DMD: variants seen among roughly 807,000 people sequenced by gnomAD.
DMD encodes dystrophin, also known as mutant dystrophin.
DMD carries 63 observed loss-of-function variants against 330.1 expected under a neutral mutation model. That is an observed-to-expected ratio of 0.19 (90% confidence interval 0.16 to 0.24). The LOEUF (loss-of-function observed/expected upper bound fraction) is 0.24, where lower values mean the gene tolerates loss of function less well. Among genes scored for constraint, DMD ranks in the 10% least tolerant of loss-of-function variants. The probability of loss-of-function intolerance (pLI) is 1.00; values close to 1 mark genes in which losing one functional copy is unlikely to be tolerated. For synonymous variants in DMD, 1,223 were observed against 959.8 expected, an observed-to-expected ratio of 1.27 and a Z score of -5.07; for missense variants, 3,344 against 2,684.1, an observed-to-expected ratio of 1.25 and a Z score of -5.43.
chrX:31,307,939 G>A (rs1415420223), intron 62 of DMD, among the ~76,000 whole-genome samples: 12 of 111,290 alleles, frequency 1.1e-4, no homozygotes, highest in East Asian at 2.8e-4. Flanking sequence ...AGGCAGGGGC[G>A]GGGGTATGGT....
chrX:31,676,320 G>C (rs1005000823), intron 53 of DMD, among the ~76,000 whole-genome samples: 4 of 112,255 alleles, frequency 3.6e-5, no homozygotes, highest in Admixed American at 9.4e-5. Flanking sequence ...TAGTAGTGAT[G>C]ACACATTCGA....
intron 1 of DMD, among the ~76,000 whole-genome samples, chrX:33,220,001 T>A (rs946358563): frequency 3.6e-5 from 4 of 111,258 alleles, no homozygotes; most frequent in African/African-American, 1.3e-4. Flanking sequence ...TGTTTCTACC[T>A]CCAGGCCTAA....
intron 19 of DMD, among the ~76,000 whole-genome samples, chrX:32,491,896 A>G (rs908273222): frequency 4.4e-5 from 5 of 112,374 alleles, no homozygotes; most frequent in South Asian, 3.6e-4. Flanking sequence ...CATATCATAC[A>G]TATTACTCAA....
chrX:32,483,820 C>CA (rs770119472), intron 21 of DMD, among the ~76,000 whole-genome samples: 1,738 of 37,212 alleles, frequency 0.047, 118 homozygotes, highest in Middle Eastern at 0.065. Flanking sequence ...CTCTGAAGTA[C>CA]AAAAAAAAAA....
intron 9 of DMD, among the ~76,000 whole-genome samples, chrX:32,681,301 G>A (rs938326959): frequency 9.0e-6 from 1 of 111,362 alleles, no homozygotes; most frequent in African/African-American, 3.3e-5. Flanking sequence ...CCGATTCTTG[G>A]ATCCCATTCA....
chrX:31,264,792 C>A (rs1407558232), intron 62 of DMD, among the ~76,000 whole-genome samples: 1 of 112,280 alleles, frequency 8.9e-6, no homozygotes, highest in Non-Finnish European at 1.9e-5. Flanking sequence ...GACCTAATTT[C>A]CTACCATACA....
At chrX:31,764,663 C>T (rs16998223) in intron 51 of DMD, among the ~76,000 whole-genome samples, 9,039 of 111,017 alleles carry the variant, frequency 0.081, 523 homozygotes, top group African/African-American at 0.19. Context: ...TTTGAGTGTT[C>T]AAAAATAATT....
At chrX:31,230,189 G>A (rs2047057124) in intron 63 of DMD, among the ~76,000 whole-genome samples, 1 of 111,802 alleles carries the variant, frequency 8.9e-6, no homozygotes, top group African/African-American at 3.3e-5. Flanking sequence ...TTACTTAAAT[G>A]GGGGAAAAAT....
chrX:32,768,389 T>C (rs1443190875), intron 7 of DMD, among the ~76,000 whole-genome samples: 1 of 111,755 alleles, frequency 8.9e-6, no homozygotes, highest in Admixed American at 9.5e-5. Context: ...ATACAATCTT[T>C]GCCCACTCGT....
chrX:33,278,073 C>T (rs113054684), intron 1 of DMD, among the ~76,000 whole-genome samples: 3,775 of 111,335 alleles, frequency 0.034, 159 homozygotes, highest in African/African-American at 0.12. Context: ...CCACTGCACT[C>T]TAGCCTGGGC....
chrX:32,110,605 T>C (rs2096585037), intron 44 of DMD, among the ~76,000 whole-genome samples: 1 of 111,732 alleles, frequency 8.9e-6, no homozygotes, highest in Non-Finnish European at 1.9e-5. Context: ...TCTGCCTCTT[T>C]TCCCAGGTAA....
intron 44 of DMD, among the ~76,000 whole-genome samples, chrX:32,007,214 TATA>T (rs200080398): frequency 0.11 from 10,435 of 94,316 alleles, 1,387 homozygotes; most frequent in African/African-American, 0.34. Context: ...AAACTTAAAG[TATA>T]ATAATAATAA....
Position 33,240,830 on chromosome X carries a change from G to A in DMD, c.7+98429C>T, listed in dbSNP as rs767865332. The stretch of plus-strand genomic sequence containing the variant: ...GTTTAATGATGCTGAACATGTTTTC[G>A]TATTCCTGTTGGCTATGTGAATGTC... On this transcript the variant is annotated intron_variant, in intron 1 of 17. Transcript: ENST00000288447. Among the ~76,000 whole-genome samples the A allele has an allele frequency of 4.5e-4, 50 of 111,658 alleles. 1 individual carries two copies. Among genetic ancestry groups the A allele is most frequent in the African/African-American group, 1.1e-3 (33 of 30,785 alleles).
chrX:33,140,994 A>G (rs1188157185), intron 1 of DMD, among the ~76,000 whole-genome samples: 1 of 112,153 alleles, frequency 8.9e-6, no homozygotes, highest in East Asian at 2.8e-4. Context: ...CCCCTAGATA[A>G]TAATTGTTAA....
rs188577002 is a variant in DMD at position 32,988,439 on chromosome X, G to A, written c.93+31700C>T. On this transcript the variant is annotated intron_variant, in intron 2 of 78. Coordinates refer to ENST00000357033, the MANE Select transcript of DMD (RefSeq NM_004006.3). ...TAATGTCTTCAATGGAAAAACGACC[G>A]TGTATGACAAAATAATAAGTTTGCT... Among the ~76,000 whole-genome samples the A allele has an allele frequency of 1.4e-4, 16 of 111,868 alleles. No homozygotes were observed. The East Asian group carries it at 2.8e-3, about 20-fold the overall frequency.
intron 43 of DMD, among the ~76,000 whole-genome samples, chrX:32,273,818 A>T (rs72626030): frequency 0.026 from 2,915 of 112,045 alleles, 100 homozygotes; most frequent in East Asian, 0.12. Context: ...CGGGGCCAAC[A>T]TATCTGCCTT....
At chrX:32,677,372 A>G (rs2147270799) in intron 9 of DMD, among the ~76,000 whole-genome samples, 1 of 111,756 alleles carries the variant, frequency 8.9e-6, no homozygotes, top group African/African-American at 3.2e-5. Flanking sequence ...CAGTATATTC[A>G]CATGTGCATA....
intron 63 of DMD, among the ~76,000 whole-genome samples, chrX:31,232,926 A>T (rs2047357275): frequency 8.9e-6 from 1 of 112,167 alleles, no homozygotes; most frequent in Non-Finnish European, 1.9e-5. Flanking sequence ...CTGTTAACTC[A>T]TTTTAAAAAG....
intron 43 of DMD, among the ~76,000 whole-genome samples, chrX:32,251,177 C>G (rs965331254): frequency 2.7e-5 from 3 of 109,771 alleles, no homozygotes; most frequent in African/African-American, 1.0e-4. Flanking sequence ...TATCCCAGAA[C>G]GTAAAGTATA....
Sources: gnomAD v4.1 joint callset for allele counts (sites outside exome capture counted in the v4.1 genomes callset) on GRCh38, gnomAD v4.1.1 for gene constraint, MANE v1.5 for transcripts, NCBI Gene and HGNC (gene_info 2026-07-23, HGNC 2026-07-21) for gene names.